SLC2A9: variants seen among roughly 807,000 people sequenced by gnomAD.
SLC2A9 encodes solute carrier family 2, facilitated glucose transporter member 9.
In SLC2A9, 39 loss-of-function variants were observed where a neutral mutation model predicts 50.6. The ratio of observed to expected loss-of-function variants is 0.77; its 90% CI spans 0.60 to 1.01. The LOEUF is 1.01. Ranked by LOEUF, SLC2A9 falls within the 50% of genes least tolerant of loss-of-function variation. The probability of loss-of-function intolerance (pLI) is 0.00; values close to 1 mark genes in which losing one functional copy is unlikely to be tolerated. For missense variants in SLC2A9, 686 were observed against 677.6 expected (o/e 1.01, Z -0.14); for synonymous variants, 324 against 276.9 (o/e 1.17, Z -1.69).
At chr4:9,880,106 G>T in intron 10 of SLC2A9, 1 of 985,360 alleles carries the variant, frequency 1.0e-6, no homozygotes. Context: ...ACACTTTCCC[G>T]GGTGGCTCCC....
chr4:9,896,804 T>TA (rs1056481762), intron 8 of SLC2A9, among the ~76,000 whole-genome samples: 74 of 152,250 alleles, frequency 4.9e-4, no homozygotes, highest in African/African-American at 1.6e-3. Context: ...ATCTACTTTT[T>TA]ATGACACTAC....
intron 3 of SLC2A9, among the ~76,000 whole-genome samples, chr4:9,818,082 C>T (rs113288173): frequency 3.1e-4 from 47 of 152,264 alleles, no homozygotes; most frequent in African/African-American, 9.4e-4. Context: ...ACCTCCTTGT[C>T]GGAGGCCCAG....
intron 10 of SLC2A9, chr4:9,880,079 C>T (rs939679363): frequency 1.0e-6 from 1 of 985,322 alleles, no homozygotes; most frequent in African/African-American, 1.7e-5. Flanking sequence ...CCATTCAGCT[C>T]TGAGCATCTT....
At chr4:9,858,657 A>T (rs1250185747) in intron 10 of SLC2A9, among the ~76,000 whole-genome samples, 3 of 152,170 alleles carry the variant, frequency 2.0e-5, no homozygotes, top group African/African-American at 7.2e-5. Context: ...ACAAGGTAAA[A>T]ACTCTTAGCT....
At chr4:9,803,953 GT>G (rs1721798675) in intron 3 of SLC2A9, among the ~76,000 whole-genome samples, 1 of 152,096 alleles carries the variant, frequency 6.6e-6, no homozygotes, top group Admixed American at 6.6e-5. Flanking sequence ...TTGTCTAAAG[GT>G]TATATCTATT....
intron 1 of SLC2A9, among the ~76,000 whole-genome samples, chr4:10,029,709 C>T (rs1401282867): frequency 6.6e-6 from 1 of 151,814 alleles, no homozygotes; most frequent in African/African-American, 2.4e-5. Context: ...CTCTGCCTCC[C>T]GGGTTCAAGC....
intron 2 of SLC2A9, among the ~76,000 whole-genome samples, chr4:10,013,033 T>C (rs913214962): frequency 1.3e-5 from 2 of 151,922 alleles, no homozygotes; most frequent in African/African-American, 4.8e-5. Context: ...CCAGTTAGGG[T>C]TTAGTGTAGA....
chr4:9,909,583 C>T (rs1741315563), intron 7 of SLC2A9, among the ~76,000 whole-genome samples: 1 of 152,202 alleles, frequency 6.6e-6, no homozygotes, highest in African/African-American at 2.4e-5. Context: ...GATTCCTACT[C>T]CTCCCCAGTC....
At chr4:9,928,193 A>C (rs1266664781) in intron 6 of SLC2A9, among the ~76,000 whole-genome samples, 1 of 152,230 alleles carries the variant, frequency 6.6e-6, no homozygotes, top group Non-Finnish European at 1.5e-5. Flanking sequence ...GACAATCAAT[A>C]GTGGAACCCG....
chr4:10,035,471 C>T (rs1191103191), intron 1 of SLC2A9: 5 of 152,266 alleles, frequency 3.3e-5, no homozygotes, highest in Non-Finnish European at 7.3e-5. Context: ...CGATTCCAGA[C>T]TTCACCTTCT....
intron 3 of SLC2A9, among the ~76,000 whole-genome samples, chr4:9,803,556 C>T (rs1370437979): frequency 6.6e-6 from 1 of 152,218 alleles, no homozygotes; most frequent in Non-Finnish European, 1.5e-5. Context: ...AATCTCTTTG[C>T]CACTAAAAGA....
intron 3 of SLC2A9, among the ~76,000 whole-genome samples, chr4:9,814,547 T>G (rs1399547433): frequency 6.6e-6 from 1 of 152,190 alleles, no homozygotes; most frequent in African/African-American, 2.4e-5. Flanking sequence ...TTATTTGTCA[T>G]GGTTCTGTGA....
intron 3 of SLC2A9, among the ~76,000 whole-genome samples, chr4:9,814,159 A>G (rs1031613146): frequency 1.3e-5 from 2 of 152,032 alleles, no homozygotes; most frequent in Non-Finnish European, 2.9e-5. Context: ...AAAGAAATGG[A>G]TAGAAGTTAT....
chr4:9,793,118 C>G (rs1281452434), intron 3 of SLC2A9, among the ~76,000 whole-genome samples: 2 of 152,186 alleles, frequency 1.3e-5, no homozygotes, highest in Non-Finnish European at 2.9e-5. Context: ...ACAGTTCATA[C>G]TTAAATATGT....
At chr4:9,860,499 G>A (rs974118229) in intron 10 of SLC2A9, among the ~76,000 whole-genome samples, 3 of 152,218 alleles carry the variant, frequency 2.0e-5, no homozygotes, top group Admixed American at 1.3e-4. Context: ...GTAAACAAAC[G>A]AACAGGTGAA....
At chr4:9,908,811 G>A (rs1013638971) in intron 7 of SLC2A9, among the ~76,000 whole-genome samples, 11 of 152,092 alleles carry the variant, frequency 7.2e-5, no homozygotes, top group South Asian at 2.1e-4. Flanking sequence ...GTGTGGCAGC[G>A]AGATAGAAAC....
intron 10 of SLC2A9, among the ~76,000 whole-genome samples, chr4:9,843,308 G>T (rs1421014132): frequency 6.6e-6 from 1 of 152,134 alleles, no homozygotes; most frequent in African/African-American, 2.4e-5. Context: ...CAATAATCAG[G>T]TAGCCATTAC....
In SLC2A9 at chr4:9,920,405, G is replaced by A. The variant is rs1233512650; in HGVS notation, c.982C>T (p.Gln328Ter). The change falls in exon 7 of 12, where the codon CAG (glutamine) becomes TAG (stop). Residue 328 changes from glutamine (Q) to a stop codon, truncating the protein, a stop_gained. Transcript: ENST00000264784. LOFTEE classifies it high-confidence loss of function. ...CTCACTGCATTGAGGCCACAGAGCT[G>A]GTAGCAGGCCATGGTGACAATCACG... ...VTVIVTMACY[Q>*]LCGLNAIWFY... 6.2e-7 allele frequency: 1 copy of A among 1,614,140 alleles called. No individual in the cohort carries two copies. The highest frequency in any genetic ancestry group is 1.7e-5 in the Admixed American group (1 of 60,018).
chr4:9,785,020 T>A (rs1719037977), intron 3 of SLC2A9, among the ~76,000 whole-genome samples: 1 of 152,174 alleles, frequency 6.6e-6, no homozygotes, highest in Non-Finnish European at 1.5e-5. Context: ...ACATCAATTT[T>A]TATATATAAT....
Sources: allele counts gnomAD v4.1 joint callset (sites outside exome capture counted in the v4.1 genomes callset), GRCh38; gene constraint gnomAD v4.1.1; transcripts MANE v1.5; gene names NCBI Gene and HGNC (gene_info 2026-07-23, HGNC 2026-07-21).